Variants in PCDHA6 observed in about 807,000 individuals in gnomAD.
PCDHA6 encodes the protein protocadherin alpha 6.
In PCDHA6, 55 loss-of-function variants were observed where a neutral mutation model predicts 60.3. The observed-to-expected ratio is 0.91, with a 90% CI of 0.73 to 1.14. The LOEUF (loss-of-function observed/expected upper bound fraction) is 1.14. Ranked by LOEUF, PCDHA6 falls within the 50% of genes most tolerant of loss-of-function variation. The probability of loss-of-function intolerance (pLI) is 0.00; values close to 1 mark genes in which losing one functional copy is unlikely to be tolerated. For missense variants in PCDHA6, 1,327 were observed against 1,256.5 expected (o/e 1.06, Z -0.85); for synonymous variants, 652 against 557.9 (o/e 1.17, Z -2.38).
intron 2 of PCDHA6, among the ~76,000 whole-genome samples, chr5:140,980,561 C>T (rs1430874214): frequency 6.6e-6 from 1 of 151,974 alleles, no homozygotes; most frequent in Admixed American, 6.6e-5. Context: ...ACCCGGGAGG[C>T]GGAAGTTGCA....
intron 1 of PCDHA6, chr5:140,871,457 GGGAAAGACA>G (rs782304525): frequency 6.2e-7 from 1 of 1,605,688 alleles, no homozygotes; most frequent in Non-Finnish European, 8.5e-7. Flanking sequence ...GAGGAGGAAG[GGGAAAGACA>G]GGAGCCAGGG....
intron 1 of PCDHA6, among the ~76,000 whole-genome samples, chr5:140,923,810 T>C (rs1433569913): frequency 6.6e-6 from 1 of 152,202 alleles, no homozygotes; most frequent in Non-Finnish European, 1.5e-5. Flanking sequence ...TGAAATCTTC[T>C]GAAAATAGAC....
intron 1 of PCDHA6, chr5:140,856,358 C>T: frequency 6.3e-7 from 1 of 1,598,606 alleles, no homozygotes; most frequent in African/African-American, 1.3e-5. Context: ...GTGCAGCATC[C>T]ACCTGGAGGT....
intron 1 of PCDHA6, chr5:140,876,047 C>T (rs1305657261): frequency 5.0e-6 from 8 of 1,613,744 alleles, no homozygotes; most frequent in Non-Finnish European, 6.8e-6. Context: ...AGTATATTGC[C>T]TGAATTAGTT....
chr5:140,841,267 A>C, intron 1 of PCDHA6: 1 of 1,524,772 alleles, frequency 6.6e-7, no homozygotes, highest in Non-Finnish European at 8.8e-7. Flanking sequence ...CTGAAAGTAC[A>C]GTCGTTCATC....
At chr5:140,919,183 A>T (rs2079029188) in intron 1 of PCDHA6, among the ~76,000 whole-genome samples, 1 of 152,104 alleles carries the variant, frequency 6.6e-6, no homozygotes, top group Non-Finnish European at 1.5e-5. Context: ...TATCTTCCTG[A>T]TTGGTCCTTT....
At position 140,927,789 on chromosome 5, in the gene PCDHA6, A is replaced by G. The variant is rs781883935; in HGVS notation, c.2395-51160A>G. On this transcript the variant is annotated intron_variant, in intron 1 of 3. Transcript: ENST00000529310. The stretch of plus-strand genomic sequence containing the variant: ...GGGAGGTGCAAGTAGCTGCTTCACT[A>G]GGTCCGCCTGAAACGCTCTTGGAGG... 4 of 1,614,164 alleles carry G rather than the reference A, an allele frequency of 2.5e-6. No individual in the cohort carries two copies. The African/African-American group carries it at 4.0e-5, about 16-fold the overall frequency.
At chr5:140,857,011 T>G in intron 1 of PCDHA6, 1 of 1,596,152 alleles carries the variant, frequency 6.3e-7, no homozygotes, top group Non-Finnish European at 8.6e-7. Flanking sequence ...ATGTAGATGT[T>G]ACAGATAAGG....
chr5:140,921,377 T>C (rs1368330420), intron 1 of PCDHA6, among the ~76,000 whole-genome samples: 2 of 152,172 alleles, frequency 1.3e-5, no homozygotes, highest in Non-Finnish European at 2.9e-5. Flanking sequence ...TATTTCTACA[T>C]ATTTGATAAA....
intron 1 of PCDHA6, chr5:140,882,401 G>A (rs899488409): frequency 4.0e-5 from 65 of 1,614,046 alleles, no homozygotes; most frequent in Non-Finnish European, 5.3e-5. Context: ...CGGCACCTTC[G>A]TGGGCCGCAT....
intron 1 of PCDHA6, chr5:140,868,741 A>G: frequency 4.8e-6 from 1 of 208,168 alleles, no homozygotes; most frequent in South Asian, 1.1e-4. Flanking sequence ...GAGAAATACA[A>G]TGCCATTTCC....
chr5:140,850,741 C>A, intron 1 of PCDHA6: 1 of 1,597,822 alleles, frequency 6.3e-7, no homozygotes, highest in Non-Finnish European at 8.6e-7. Context: ...GGGAGTTGGT[C>A]GTACTCGCAG....
chr5:140,877,501 A>G lies in PCDHA6; in HGVS notation c.2394+47016A>G, dbSNP rs2057165784. On this transcript the variant is annotated intron_variant, in intron 1 of 3. Coordinates refer to ENST00000529310, the MANE Select transcript of PCDHA6 (RefSeq NM_018909.4). ...GCTGGTGGAGAACGGCCAGGCCCCA[A>G]AGACGTCGTCGCGGGCCTCAGTGGG... 3.1e-6 allele frequency: 5 copies of G among 1,613,804 alleles called. No homozygotes were observed. In the East Asian group the frequency reaches 1.1e-4, roughly 36 times the overall value.
At chr5:140,952,479 A>C (rs246034) in intron 1 of PCDHA6, among the ~76,000 whole-genome samples, 85,668 of 152,018 alleles carry the variant, frequency 0.56, 24,767 homozygotes, top group African/African-American at 0.69. Flanking sequence ...GGAAAGTGAC[A>C]TTTGCTCCAG....
chr5:140,877,476 G>T (rs1554169787), intron 1 of PCDHA6: 2 of 1,613,870 alleles, frequency 1.2e-6, no homozygotes, highest in South Asian at 1.1e-5. Flanking sequence ...TGCTGGTGTC[G>T]CTGGTGGAGA....
intron 1 of PCDHA6, among the ~76,000 whole-genome samples, chr5:140,936,326 AT>A: frequency 6.6e-6 from 1 of 152,256 alleles, no homozygotes; most frequent in South Asian, 2.1e-4. Flanking sequence ...CATGCTATAA[AT>A]TTTCTCTATC....
intron 1 of PCDHA6, chr5:140,967,766 T>C: frequency 6.2e-7 from 1 of 1,614,218 alleles, no homozygotes; most frequent in Non-Finnish European, 8.5e-7. Flanking sequence ...CTACCAGATC[T>C]ATGTGCAGGC....
intron 1 of PCDHA6, among the ~76,000 whole-genome samples, chr5:140,949,300 G>T (rs1373100269): frequency 1.3e-5 from 2 of 151,534 alleles, no homozygotes; most frequent in Non-Finnish European, 1.5e-5. Flanking sequence ...GTAATTGTTG[G>T]GTGTAATGAT....
rs2150178565 is a variant in PCDHA6, at chr5:140,829,957, T to C, written c.1866T>C (p.Phe622=). ...QPPASSARFP[F]RVGLYTGEIS... is the part of the protein sequence containing the mutation. ...CGGCAAGCAGCGCTCGCTTCCCGTT[T>C]CGCGTGGGGCTGTACACGGGCGAGA... The change falls in exon 1 of 4, where the codon TTT becomes TTC. Residue 622 remains phenylalanine, a synonymous_variant. Transcript: ENST00000529310. 2.4e-5 allele frequency: 39 copies of C among 1,613,964 alleles called. No homozygotes were observed. In the East Asian group the frequency reaches 3.1e-4, roughly 13 times the overall value.
Sources: gnomAD v4.1 joint callset for allele counts (sites outside exome capture counted in the v4.1 genomes callset) on GRCh38, gnomAD v4.1.1 for gene constraint, MANE v1.5 for transcripts, NCBI Gene and HGNC (gene_info 2026-07-23, HGNC 2026-07-21) for gene names.